PTPRD: variants seen among roughly 807,000 people sequenced by gnomAD.
PTPRD encodes the protein protein tyrosine phosphatase receptor type D.
PTPRD carries 34 observed loss-of-function variants against 214.5 expected under a neutral mutation model. The observed-to-expected ratio is 0.16, with a 90% confidence interval of 0.12 to 0.21. The LOEUF (loss-of-function observed/expected upper bound fraction) is 0.21, where lower values mean the gene tolerates loss of function less well. Ranked by LOEUF, PTPRD falls within the 10% of genes least tolerant of loss-of-function variation. PTPRD has a pLI of 1.00. For missense variants in PTPRD, 2,545 were observed against 2,398.7 expected (o/e 1.06, Z -1.27); for synonymous variants, 1,128 against 845.7 (o/e 1.33, Z -5.79).
chr9:9,037,991 AT>A (rs2099627352), intron 10 of PTPRD, among the ~76,000 whole-genome samples: 1 of 152,182 alleles, frequency 6.6e-6, no homozygotes, highest in East Asian at 1.9e-4. Context: ...TAAAATGAGA[AT>A]AACTTCACAG....
chr9:10,185,937 G>C (rs768394854), intron 3 of PTPRD, among the ~76,000 whole-genome samples: 1 of 152,106 alleles, frequency 6.6e-6, no homozygotes, highest in African/African-American at 2.4e-5. Flanking sequence ...AGAGGTTCCA[G>C]AGTGATTTCT....
At chr9:8,407,841 C>T (rs546533453) in intron 35 of PTPRD, among the ~76,000 whole-genome samples, 10 of 152,208 alleles carry the variant, frequency 6.6e-5, no homozygotes, top group African/African-American at 2.4e-4. Context: ...TCTGACTGAA[C>T]GTTTAACAAA....
chr9:9,382,653 T>C (rs186890803), intron 9 of PTPRD, among the ~76,000 whole-genome samples: 94 of 151,626 alleles, frequency 6.2e-4, no homozygotes, highest in African/African-American at 2.1e-3. Context: ...AGAGAGAGAA[T>C]AAGTGTCCAT....
chr9:9,844,694 A>G (rs2059085700), intron 5 of PTPRD, among the ~76,000 whole-genome samples: 1 of 151,962 alleles, frequency 6.6e-6, no homozygotes, highest in South Asian at 2.1e-4. Flanking sequence ...TTTAGTGATC[A>G]GTATTATATT....
intron 11 of PTPRD, among the ~76,000 whole-genome samples, chr9:8,812,463 C>T (rs1444979376): frequency 6.6e-6 from 1 of 152,014 alleles, no homozygotes; most frequent in East Asian, 1.9e-4. Flanking sequence ...CCATCAATTC[C>T]CACTTATTTT....
chr9:9,382,366 A>T (rs1197292387), intron 9 of PTPRD, among the ~76,000 whole-genome samples: 1 of 152,156 alleles, frequency 6.6e-6, no homozygotes, highest in Non-Finnish European at 1.5e-5. Context: ...ACAGCAAAGA[A>T]ATAATCAACA....
chr9:8,983,691 T>C (rs939634255), intron 11 of PTPRD, among the ~76,000 whole-genome samples: 1 of 151,860 alleles, frequency 6.6e-6, no homozygotes, highest in African/African-American at 2.4e-5. Flanking sequence ...TTTTCTTTTT[T>C]ACTTTTTGTA....
At chr9:10,431,352 T>G (rs1046994184) in intron 2 of PTPRD, among the ~76,000 whole-genome samples, 4 of 151,990 alleles carry the variant, frequency 2.6e-5, no homozygotes, top group African/African-American at 9.7e-5. Context: ...ACCTAGGCAT[T>G]ACCATTCAGG....
chr9:8,721,990 A>G (rs2098504369), intron 12 of PTPRD, among the ~76,000 whole-genome samples: 1 of 152,238 alleles, frequency 6.6e-6, no homozygotes, highest in Non-Finnish European at 1.5e-5. Context: ...GACAGTTCTC[A>G]ATGTTGAGAG....
chr9:9,075,849 T>C (rs62529483), intron 10 of PTPRD, among the ~76,000 whole-genome samples: 50 of 152,326 alleles, frequency 3.3e-4, no homozygotes, highest in South Asian at 1.4e-3. Context: ...TTTGCTATTG[T>C]GAATAGTGCC....
intron 2 of PTPRD, among the ~76,000 whole-genome samples, chr9:10,557,395 C>T (rs982167661): frequency 2.0e-5 from 3 of 152,138 alleles, no homozygotes; most frequent in African/African-American, 7.2e-5. Flanking sequence ...TTCTCCCTCT[C>T]TCCTCCCTCT....
chr9:9,403,932 T>A (rs1370568315), intron 8 of PTPRD, among the ~76,000 whole-genome samples: 1 of 151,974 alleles, frequency 6.6e-6, no homozygotes, highest in Non-Finnish European at 1.5e-5. Flanking sequence ...AAAGGAGGAA[T>A]ATTTAGATTG....
chr9:8,515,713 G>C (rs2097770699), intron 21 of PTPRD, among the ~76,000 whole-genome samples: 1 of 152,080 alleles, frequency 6.6e-6, no homozygotes, highest in Admixed American at 6.6e-5. Context: ...CAGAAGTTAG[G>C]GCAGCAGCAT....
At chr9:8,547,091 G>T (rs1412028798) in intron 14 of PTPRD, among the ~76,000 whole-genome samples, 1 of 152,086 alleles carries the variant, frequency 6.6e-6, no homozygotes, top group Non-Finnish European at 1.5e-5. Flanking sequence ...TTGAAATAAA[G>T]TTATCATAGA....
At chr9:10,379,814 G>A (rs1410006454) in intron 2 of PTPRD, among the ~76,000 whole-genome samples, 1 of 152,020 alleles carries the variant, frequency 6.6e-6, no homozygotes, top group Admixed American at 6.6e-5. Flanking sequence ...TCACAAATGT[G>A]TGTAGAGATT....
intron 3 of PTPRD, among the ~76,000 whole-genome samples, chr9:10,325,248 A>G (rs1412408992): frequency 1.3e-5 from 2 of 152,010 alleles, no homozygotes; most frequent in Non-Finnish European, 2.9e-5. Context: ...CACACAGGAA[A>G]TGCTGCTACT....
chr9:9,948,041 G>T (rs1439109461), intron 4 of PTPRD, among the ~76,000 whole-genome samples: 1 of 151,736 alleles, frequency 6.6e-6, no homozygotes, highest in East Asian at 1.9e-4. Context: ...GATGAAGAAA[G>T]GTAAAAATGA....
intron 9 of PTPRD, among the ~76,000 whole-genome samples, chr9:9,227,829 G>T (rs1357173875): frequency 6.6e-6 from 1 of 152,090 alleles, no homozygotes; most frequent in East Asian, 1.9e-4. Flanking sequence ...CAACCCTTTA[G>T]ATGACTGTAG....
chr9:8,880,966 C>T (rs2098441064), intron 11 of PTPRD, among the ~76,000 whole-genome samples: 1 of 151,974 alleles, frequency 6.6e-6, no homozygotes, highest in Non-Finnish European at 1.5e-5. Context: ...AGGGTTTCGC[C>T]ATGTTCCTCA....
Sources: gnomAD v4.1 joint callset for allele counts (sites outside exome capture counted in the v4.1 genomes callset) on GRCh38, gnomAD v4.1.1 for gene constraint, MANE v1.5 for transcripts, NCBI Gene and HGNC (gene_info 2026-07-23, HGNC 2026-07-21) for gene names.